The following WBP2 variants were observed in gnomAD, a reference collection of about 807,000 sequenced individuals.
The protein encoded by WBP2 is WW domain-binding protein 2.
In WBP2, 23 loss-of-function variants were observed where a neutral mutation model predicts 33.0. The observed-to-expected ratio is 0.70, with a 90% CI of 0.50 to 0.99. WBP2 has a LOEUF of 0.99. WBP2 is among the 50% of genes least tolerant of loss of function. The pLI, the probability that WBP2 is intolerant of heterozygous loss-of-function variation, is 0.00. For synonymous variants in WBP2, 153 were observed against 133.5 expected, an observed-to-expected ratio of 1.15 and a Z score of -1.01; for missense variants, 353 against 358.0, an observed-to-expected ratio of 0.99 and a Z score of 0.11.
chr17:75,855,208 G>C lies in WBP2; in HGVS notation c.59+31C>G, dbSNP rs117904174. The C allele has an allele frequency of 3.2e-4, 508 of 1,568,680 alleles. 2 individuals carry two copies. In the Middle Eastern group the frequency reaches 3.4e-3, roughly 11 times the overall value. ...CCACTTCCTCGACACCCGAACTTTGGTCCTCCAGGATCCTTCCGCAGTGTT... is the reference window on the plus strand; with the variant it reads ...CCACTTCCTCGACACCCGAACTTTGCTCCTCCAGGATCCTTCCGCAGTGTT... On this transcript the variant is annotated intron_variant, in intron 1 of 7. Coordinates refer to ENST00000254806, the MANE Select transcript of WBP2 (RefSeq NM_012478.4).
intron 1 of WBP2, chr17:75,852,327 TA>T (rs2065032473): frequency 1.3e-5 from 2 of 152,234 alleles, no homozygotes; most frequent in South Asian, 4.1e-4. Flanking sequence ...GGGGGTTCTG[TA>T]AAATTTCCCA....
At chr17:75,855,387 C>T, upstream of WBP2, 1 of 1,495,544 alleles carries the variant, frequency 6.7e-7, no homozygotes, top group Non-Finnish European at 9.2e-7. Flanking sequence ...TTATTAGAGT[C>T]AGCCAATCAA....
At chr17:75,848,532 AGT>A in intron 4 of WBP2, 36 bp downstream of exon 4, 1 of 1,577,076 alleles carries the variant, frequency 6.3e-7, no homozygotes, top group Non-Finnish European at 8.7e-7. Flanking sequence ...CTACATGTTT[AGT>A]GTGTCTTTAG....
In WBP2 at chr17:75,848,672, G is replaced by C; in HGVS notation, c.305-10C>G. On this transcript the variant is annotated splice_polypyrimidine_tract_variant and intron_variant, in intron 3 of 7. Transcript: ENST00000254806. The stretch of plus-strand genomic sequence containing the variant: ...GAGCCTTCCCAGCCACCTGAAAGGG[G>C]AAGGACAGTGAATAAACAGCACAGG... 6.2e-7 allele frequency: 1 copy of C among 1,608,090 alleles called. No individual in the cohort carries two copies. The highest frequency in any genetic ancestry group is 8.5e-7 in the Non-Finnish European group (1 of 1,175,656).
intron 1 of WBP2, 58 bp downstream of exon 1, chr17:75,855,181 G>T (rs1027793972): frequency 1.0e-5 from 3 of 293,910 alleles, no homozygotes; most frequent in East Asian, 7.5e-5. Flanking sequence ...ACCACCCACC[G>T]CCCACTTCCT....
rs1016660981 is a variant in WBP2, at chr17:75,849,824, A to G, written c.169-85T>C. On this transcript the variant is annotated intron_variant, in intron 2 of 7. Transcript: ENST00000254806. ...CCCGCCTGCTTCCTGGGAGTGACGA[A>G]TCCTCTCCCAGTGCCAGGGTCCAGC... The G allele has an allele frequency of 6.5e-6, 10 of 1,535,732 alleles. No homozygotes were observed. The Admixed American group carries it at 1.8e-4, about 27-fold the overall frequency.
In WBP2 at chr17:75,849,653, G is replaced by C; in HGVS notation, c.255C>G (p.Pro85=). The change falls in exon 3 of 8, where the codon CCC becomes CCG. Residue 85 remains proline (P), a synonymous_variant. Transcript: ENST00000254806. The part of the protein sequence containing the change: ...YLMKDCEIKQ[P]VFGANYIKGT... ...CCTTGATGTAGTTTGCACCAAATAC[G>C]GGCTGCTTGATCTCACAGTCTTTCA... 1 of 1,614,144 alleles carries C rather than the reference G, an allele frequency of 6.2e-7. No individual in the cohort carries two copies. The highest frequency in any genetic ancestry group is 8.5e-7 in the Non-Finnish European group (1 of 1,180,006).
At chr17:75,848,998 C>T in intron 3 of WBP2, 1 of 360,980 alleles carries the variant, frequency 2.8e-6, no homozygotes, top group Non-Finnish European at 5.2e-6. Flanking sequence ...GTCAAGCACT[C>T]GGCAGCTTCA....
rs1169904791 is a variant in WBP2, at chr17:75,845,778, A to G, written c.*956T>C. 2 of 152,728 alleles carry G rather than the reference A, an allele frequency of 1.3e-5. No individual in the cohort carries two copies. The highest frequency in any genetic ancestry group is 1.9e-4 in the East Asian group (1 of 5,190). 9.5% of individuals were successfully genotyped at this position (152,728 alleles called of 1,614,324 possible). ...AACAGGGTTTATTTCACATTAATAT[A>G]TTAACTGGATTTTTTGTCAAATAAA... On this transcript the variant is annotated 3_prime_UTR_variant, in exon 8 of 8. Transcript: ENST00000254806.
At chr17:75,849,837 G>C (rs958442657) in intron 2 of WBP2, 98 bp from the exon 3 acceptor site, 6 of 1,498,560 alleles carry the variant, frequency 4.0e-6, no homozygotes, top group Non-Finnish European at 5.4e-6. Context: ...CTCTCCCAGT[G>C]CCAGGGTCCA....
intron 1 of WBP2, 21 bp from the exon 2 acceptor site, chr17:75,851,697 A>G (rs372617005): frequency 1.3e-6 from 2 of 1,591,248 alleles, no homozygotes; most frequent in East Asian, 2.2e-5. Context: ...AAAAGAGGAA[A>G]AGCCTCAATG....
intron 2 of WBP2, among the ~76,000 whole-genome samples, chr17:75,850,669 G>T (rs1191159696): frequency 2.0e-5 from 3 of 152,088 alleles, no homozygotes; most frequent in Non-Finnish European, 2.9e-5. Context: ...TTGAAAATGT[G>T]CTCCTCTTCT....
At chr17:75,855,402 C>A, upstream of WBP2, 1 of 1,379,120 alleles carries the variant, frequency 7.3e-7, no homozygotes, top group South Asian at 1.2e-5. Flanking sequence ...AATCAAAGCT[C>A]GAGTGCGGAG....
Position 75,853,826 on chromosome 17 carries a change from A to T in WBP2, c.59+1413T>A, listed in dbSNP as rs1425167097. On this transcript the variant is annotated intron_variant, in intron 1 of 7. Transcript: ENST00000254806. ...TTTGGGAGGCCGAGGAGGGTGGATC[A>T]CGAGGTCAGGAGTTCGAGACCAGCC... Among the ~76,000 whole-genome samples, 4 of 152,056 alleles carry T rather than the reference A, an allele frequency of 2.6e-5. No homozygotes were observed. In the East Asian group the frequency reaches 5.8e-4, roughly 22 times the overall value.
rs868273900 is a variant in WBP2 at position 75,846,739 on chromosome 17, G to T, written c.781C>A (p.Gln261Lys). The T allele has an allele frequency of 6.6e-7, 1 of 1,526,366 alleles. No homozygotes were observed. Among genetic ancestry groups the T allele is most frequent in the Admixed American group, 2.1e-5 (1 of 48,034 alleles). The allele number at this position is 1,526,366 out of a possible 1,614,324, so 94.6% of individuals were successfully genotyped here. Residue 261 changes from glutamine (Q) to lysine (K), a missense_variant, in exon 8 of 8, where the codon CAG becomes AAG. Coordinates refer to ENST00000254806, the MANE Select transcript of WBP2 (RefSeq NM_012478.4). This position sits in a 1 kb window ranked among gnomAD's most constrained non-coding sequence, Gnocchi z 4.8. ...AGGCAGGGAGGCAGGAGGGCCTACTGGGTCTTCTTATCTTCCGGTGGGTAG... is the reference window on the plus strand; with the variant it reads ...AGGCAGGGAGGCAGGAGGGCCTACTTGGTCTTCTTATCTTCCGGTGGGTAG... ...PYYPPEDKKTQ is the reference protein window; with the variant it reads ...PYYPPEDKKTK
At position 75,854,836 on chromosome 17, in the gene WBP2, T is replaced by G. The variant is rs867837465; in HGVS notation, c.59+403A>C. ...AAATGTGGACAGTAGTAGATTATAC[T>G]GCACAGAATTTATTAAATAAGGTAG... On this transcript the variant is annotated intron_variant, in intron 1 of 7. Coordinates refer to ENST00000254806, the MANE Select transcript of WBP2 (RefSeq NM_012478.4). Among the ~76,000 whole-genome samples, 8 of 152,344 alleles carry G rather than the reference T, an allele frequency of 5.3e-5. No homozygotes were observed. In the South Asian group the frequency reaches 1.7e-3, roughly 32 times the overall value.
intron 1 of WBP2, 56 bp downstream of exon 1, chr17:75,855,183 C>CCCCAACAA: frequency 6.6e-7 from 1 of 1,506,812 alleles, no homozygotes; most frequent in Non-Finnish European, 9.2e-7. Context: ...CACCCACCGC[C>CCCCAACAA]CACTTCCTCG....
chr17:75,846,608 G>A lies in WBP2; in HGVS notation c.*126C>T. The A allele has an allele frequency of 2.5e-6, 3 of 1,201,174 alleles. No individual in the cohort carries two copies. The highest frequency in any genetic ancestry group is 2.6e-5 in the East Asian group (1 of 39,150). 74.4% of individuals were successfully genotyped at this position (1,201,174 alleles called of 1,614,324 possible). ...TAATGTCCCACAATGCTAGTTCCTG[G>A]TAATTGTTTATGATCAGACCTGGAG... On this transcript the variant is annotated 3_prime_UTR_variant, in exon 8 of 8. Coordinates refer to ENST00000254806, the MANE Select transcript of WBP2 (RefSeq NM_012478.4). The surrounding 1 kb of genome is among the most constrained non-coding windows in gnomAD (Gnocchi z 4.8).
intron 6 of WBP2, 24 bp from the exon 7 acceptor site, chr17:75,847,008 G>A (rs781518662): frequency 6.2e-7 from 1 of 1,613,788 alleles, no homozygotes; most frequent in South Asian, 1.1e-5. Flanking sequence ...CACACCTGGT[G>A]TCGGTGACAA....
Sources: allele counts gnomAD v4.1 joint callset (sites outside exome capture counted in the v4.1 genomes callset), GRCh38; gene constraint gnomAD v4.1.1; non-coding constraint Gnocchi (gnomAD v3.1); transcripts MANE v1.5; gene names NCBI Gene and HGNC (gene_info 2026-07-23, HGNC 2026-07-21).